CC2D2A: variants seen among roughly 807,000 people sequenced by gnomAD.
CC2D2A encodes the protein coiled-coil and C2 domain containing 2A, also known as coiled-coil and C2 domain-containing protein 2A.
Under a neutral mutation model 212.9 loss-of-function variants are expected in CC2D2A, and 155 were observed. The observed-to-expected ratio is 0.73, with a 90% confidence interval of 0.64 to 0.83. The LOEUF (loss-of-function observed/expected upper bound fraction) is 0.83, where lower values mean the gene tolerates loss of function less well. CC2D2A is among the 40% of genes least tolerant of loss of function. CC2D2A has a pLI of 0.00. For missense variants in CC2D2A, 1,856 were observed against 1,956.2 expected, an observed-to-expected ratio of 0.95 and a Z score of 0.97; for synonymous variants, 667 against 686.5, an observed-to-expected ratio of 0.97 and a Z score of 0.44.
At chr4:15,548,824 A>G (rs939523266) in intron 17 of CC2D2A, among the ~76,000 whole-genome samples, 1 of 152,194 alleles carries the variant, frequency 6.6e-6, no homozygotes, top group Admixed American at 6.5e-5. Flanking sequence ...ATAAAAATAT[A>G]GAGAACATTT....
intron 4 of CC2D2A, among the ~76,000 whole-genome samples, chr4:15,486,223 G>A (rs1714990355): frequency 1.3e-5 from 2 of 152,100 alleles, no homozygotes; most frequent in African/African-American, 4.8e-5. Context: ...AATAGTTTGA[G>A]TAGGATTAAT....
intron 14 of CC2D2A, among the ~76,000 whole-genome samples, chr4:15,534,292 G>A (rs151333275): frequency 7.2e-4 from 109 of 152,104 alleles, no homozygotes; most frequent in African/African-American, 2.5e-3. Context: ...CTCTCTTTTT[G>A]TTGCTTTTTG....
At chr4:15,517,590 G>A (rs1716956740) in intron 11 of CC2D2A, among the ~76,000 whole-genome samples, 1 of 152,146 alleles carries the variant, frequency 6.6e-6, no homozygotes, top group African/African-American at 2.4e-5. Flanking sequence ...AGCAGTGTCT[G>A]CCTCCCAGGC....
At chr4:15,563,002 G>A (rs1240887629) in intron 23 of CC2D2A, among the ~76,000 whole-genome samples, 1 of 152,228 alleles carries the variant, frequency 6.6e-6, no homozygotes, top group Non-Finnish European at 1.5e-5. Context: ...CAAGGAAGAT[G>A]CAGGGAGGCA....
chr4:15,597,082 AT>A (rs1021101389), intron 34 of CC2D2A, among the ~76,000 whole-genome samples: 15 of 152,042 alleles, frequency 9.9e-5, no homozygotes, highest in Non-Finnish European at 2.1e-4. Flanking sequence ...GAAGACAGGA[AT>A]TTTTTTTCAT....
Position 15,481,185 on chromosome 4 carries a change from G to A in CC2D2A, c.247+358G>A, listed in dbSNP as rs6810461. 0.44 allele frequency: 201,355 copies of A among 456,974 alleles called. 45,862 individuals carry two copies. The highest frequency in any genetic ancestry group is 0.6 in the African/African-American group (30,224 of 50,018). 28.3% of individuals were successfully genotyped at this position (456,974 alleles called of 1,614,324 possible). ...CTAGTAATGAGTGAGTTCTTGCTCT[G>A]TTCACTCACAGGAGAGCTGGTTGTT... On this transcript the variant is annotated intron_variant, in intron 4 of 36. Coordinates refer to ENST00000424120, the MANE Select transcript of CC2D2A (RefSeq NM_001378615.1).
chr4:15,567,912 C>A (rs1719968354), intron 26 of CC2D2A, 126 bp downstream of exon 26: 1 of 640,304 alleles, frequency 1.6e-6, no homozygotes, highest in Non-Finnish European at 2.7e-6. Context: ...ATCCAGGTGT[C>A]CTGACGCCAA....
rs772084475 is a variant in CC2D2A at position 15,580,062 on chromosome 4, C to A, written c.3866C>A (p.Thr1289Lys). 1.9e-6 allele frequency: 3 copies of A among 1,613,810 alleles called. No homozygotes were observed. The African/African-American group carries it at 4.0e-5, about 22-fold the overall frequency. ...TTTCCAAATCGTCAGTGCCTTACAA[C>A]AGTAATTGATATAAGCGGAAAAACT... ...LKFPNRQCLT[T>K]VIDISGKTVF... The change falls in exon 30 of 37, where the codon ACA (threonine) becomes AAA (lysine). Residue 1289 changes from threonine (T) to lysine (K), a missense_variant. By Grantham distance (78) the Thr-to-Lys change is moderately conservative (BLOSUM62 -1). Transcript: ENST00000424120.
intron 17 of CC2D2A, among the ~76,000 whole-genome samples, chr4:15,545,765 G>A (rs950267510): frequency 9.9e-5 from 15 of 152,040 alleles, no homozygotes; most frequent in Non-Finnish European, 1.9e-4. Flanking sequence ...CAGAATTGGT[G>A]GAATCCACAG....
chr4:15,570,726 C>T (rs1013954240), intron 28 of CC2D2A, among the ~76,000 whole-genome samples: 3 of 151,874 alleles, frequency 2.0e-5, no homozygotes, highest in Non-Finnish European at 4.4e-5. Context: ...CGTGGTGGTG[C>T]GCACCTGTAA....
intron 14 of CC2D2A, among the ~76,000 whole-genome samples, chr4:15,534,363 G>T (rs1356406512): frequency 6.6e-6 from 1 of 152,014 alleles, no homozygotes; most frequent in African/African-American, 2.4e-5. Flanking sequence ...TTTACTGTTG[G>T]TGCTTTTTAA....
chr4:15,587,013 A>C (rs1316525492), intron 31 of CC2D2A, among the ~76,000 whole-genome samples: 1 of 152,144 alleles, frequency 6.6e-6, no homozygotes, highest in African/African-American at 2.4e-5. Flanking sequence ...GAAAGACTAG[A>C]ATTTGTGTAC....
chr4:15,527,380 G>A (rs1717562539), intron 11 of CC2D2A, 67 bp from the exon 12 acceptor site: 1 of 1,196,946 alleles, frequency 8.4e-7, no homozygotes. Flanking sequence ...TCCCATTGTG[G>A]ATTAGAGAAT....
chr4:15,482,114 C>A (rs1714710756), intron 4 of CC2D2A: 10 of 985,366 alleles, frequency 1.0e-5, no homozygotes, highest in Non-Finnish European at 1.2e-5. Context: ...GACTGTTTTC[C>A]CTATGGCAAA....
chr4:15,523,822 C>T (rs1321811824), intron 11 of CC2D2A, among the ~76,000 whole-genome samples: 3 of 152,146 alleles, frequency 2.0e-5, no homozygotes. Flanking sequence ...GGGATGTGTC[C>T]TTTGATAGCC....
Position 15,533,247 on chromosome 4 carries a change from G to C in CC2D2A, c.1521G>C (p.Lys507Asn), listed in dbSNP as rs1560169249. 6.2e-7 allele frequency: 1 copy of C among 1,602,468 alleles called. No individual in the cohort carries two copies. Residue 507 changes from lysine (K) to asparagine (N), a missense_variant, in exon 14 of 37, where the codon AAG becomes AAC. Transcript: ENST00000424120. The stretch of plus-strand genomic sequence containing the variant: ...AAGAAAAAGATAGAACATTGCTTAA[G>C]ACTATCATAAAAGTTTGGAAAGAGA... ...AEQEKDRTLL[K>N]TIIKVWKEMK...
chr4:15,526,187 G>C (rs1429206233), intron 11 of CC2D2A, among the ~76,000 whole-genome samples: 2 of 152,146 alleles, frequency 1.3e-5, no homozygotes, highest in Non-Finnish European at 2.9e-5. Context: ...TTGAAGACAG[G>C]CTGTATCACA....
chr4:15,500,107 G>GTATATATATATATATATATA (rs55743422), intron 4 of CC2D2A, among the ~76,000 whole-genome samples: 2 of 112,926 alleles, frequency 1.8e-5, no homozygotes, highest in Non-Finnish European at 3.5e-5. Flanking sequence ...GTGTGTGTGT[G>GTATATATATATATATATATA]TATATATATA....
At position 15,556,895 on chromosome 4, in the gene CC2D2A, G is replaced by T. The variant is rs551890859; in HGVS notation, c.2626-409G>T. Among the ~76,000 whole-genome samples, 197 of 152,338 alleles carry T rather than the reference G, an allele frequency of 1.3e-3. 2 individuals are homozygous for T. The highest frequency in any genetic ancestry group is 4.5e-3 in the African/African-American group (189 of 41,564). ...CAAGTAAAGCTGACCAGCTGCCTCT[G>T]AGGCCTTTATCTGCATATGCACATG... On this transcript the variant is annotated intron_variant, in intron 20 of 36. Coordinates refer to ENST00000424120, the MANE Select transcript of CC2D2A (RefSeq NM_001378615.1).
Sources: gnomAD v4.1 joint callset for allele counts (sites outside exome capture counted in the v4.1 genomes callset) on GRCh38, gnomAD v4.1.1 for gene constraint, MANE v1.5 for transcripts, NCBI Gene and HGNC (gene_info 2026-07-23, HGNC 2026-07-21) for gene names.